XYLT1: variants seen among roughly 807,000 people sequenced by gnomAD.
XYLT1 encodes beta-D-xylosyltransferase 1.
XYLT1 carries 36 observed loss-of-function variants against 91.3 expected under a neutral mutation model. The ratio of observed to expected loss-of-function variants is 0.39; its 90% confidence interval spans 0.30 to 0.52. The LOEUF (loss-of-function observed/expected upper bound fraction) is 0.52. Ranked by LOEUF, XYLT1 falls within the 20% of genes least tolerant of loss-of-function variation. The pLI is 0.68. For synonymous variants in XYLT1, 588 were observed against 532.0 expected (o/e 1.11, Z -1.45); for missense variants, 1,242 against 1,284.5 (o/e 0.97, Z 0.51).
At chr16:17,357,957 T>G in intron 2 of XYLT1, 55 bp downstream of exon 2, 2 of 1,591,544 alleles carry the variant, frequency 1.3e-6, no homozygotes, top group Non-Finnish European at 1.7e-6. Context: ...CAAGTCCCCT[T>G]GAGAGCTGGA....
At chr16:17,237,077 G>A (rs905777318) in intron 3 of XYLT1, among the ~76,000 whole-genome samples, 13 of 152,162 alleles carry the variant, frequency 8.5e-5, no homozygotes, top group Non-Finnish European at 1.8e-4. Flanking sequence ...AGAAAGTAAC[G>A]TAAAGAACAA....
chr16:17,396,204 T>A (rs893487270), intron 1 of XYLT1, among the ~76,000 whole-genome samples: 11 of 152,188 alleles, frequency 7.2e-5, no homozygotes, highest in Non-Finnish European at 1.5e-4. Context: ...TGCCTGTCAC[T>A]CATGCAGTGA....
chr16:17,396,249 T>C (rs1422417299), intron 1 of XYLT1, among the ~76,000 whole-genome samples: 2 of 152,216 alleles, frequency 1.3e-5, no homozygotes, highest in African/African-American at 4.8e-5. Flanking sequence ...GTCCCTGTGC[T>C]GGGCATCAAG....
At chr16:17,446,917 C>T (rs2036598343) in intron 1 of XYLT1, among the ~76,000 whole-genome samples, 1 of 151,180 alleles carries the variant, frequency 6.6e-6, no homozygotes, top group African/African-American at 2.5e-5. Flanking sequence ...TGAACCAGAC[C>T]CAGGGGAGCC....
chr16:17,149,394 AC>A (rs2031227391), intron 6 of XYLT1, among the ~76,000 whole-genome samples: 1 of 152,140 alleles, frequency 6.6e-6, no homozygotes, highest in African/African-American at 2.4e-5. Flanking sequence ...TAAAAAAAAA[AC>A]AACCTGAGAA....
chr16:17,326,322 C>T (rs2034800935), intron 2 of XYLT1, among the ~76,000 whole-genome samples: 1 of 152,170 alleles, frequency 6.6e-6, no homozygotes, highest in Non-Finnish European at 1.5e-5. Flanking sequence ...TTTTCCTCTC[C>T]CCCATCCCGT....
chr16:17,145,398 C>A (rs1225330567), intron 6 of XYLT1, among the ~76,000 whole-genome samples: 3 of 152,154 alleles, frequency 2.0e-5, no homozygotes, highest in Admixed American at 2.0e-4. Context: ...CAGGGATGGG[C>A]CAGCAATGCA....
At chr16:17,432,975 G>A (rs1325434885) in intron 1 of XYLT1, among the ~76,000 whole-genome samples, 3 of 152,160 alleles carry the variant, frequency 2.0e-5, no homozygotes, top group Admixed American at 2.0e-4. Flanking sequence ...GACGGGCAGT[G>A]CCCTCGAAGA....
intron 1 of XYLT1, among the ~76,000 whole-genome samples, chr16:17,400,656 GAAGGAAGGAAGGAAGGAAGGAACT>G (rs1433171530): frequency 2.0e-4 from 30 of 150,390 alleles, no homozygotes; most frequent in African/African-American, 6.9e-4. Flanking sequence ...AGGAAGGAAG[GAAGGAAGGAAGGAAGGAAGGAACT>G]AACTAACTTG....
intron 9 of XYLT1, among the ~76,000 whole-genome samples, chr16:17,129,544 G>A (rs1567285276): frequency 6.6e-6 from 1 of 152,166 alleles, no homozygotes; most frequent in Non-Finnish European, 1.5e-5. Flanking sequence ...GGGATTACAG[G>A]TGTCAGCCAC....
chr16:17,126,944 C>A (rs1186135933), intron 10 of XYLT1, among the ~76,000 whole-genome samples: 1 of 152,078 alleles, frequency 6.6e-6, no homozygotes, highest in Non-Finnish European at 1.5e-5. Context: ...AATGAGTGAC[C>A]AGATAAAGCA....
intron 1 of XYLT1, among the ~76,000 whole-genome samples, chr16:17,426,189 A>G (rs563585176): frequency 2.0e-5 from 3 of 152,348 alleles, no homozygotes; most frequent in African/African-American, 7.2e-5. Context: ...TGTTCTAGAT[A>G]CGGGGAGAAA....
At chr16:17,192,996 T>A (rs7191414) in intron 5 of XYLT1, 53,810 of 151,514 alleles carry the variant, frequency 0.36, 10,300 homozygotes, top group South Asian at 0.5. Context: ...TATTTTTAGT[T>A]GAGTCGGGGT....
chr16:17,130,741 TCTTA>T (rs1398079002), intron 9 of XYLT1, among the ~76,000 whole-genome samples: 1 of 152,188 alleles, frequency 6.6e-6, no homozygotes, highest in Non-Finnish European at 1.5e-5. Context: ...TGTCACCCTC[TCTTA>T]CTTTTGCCCA....
At chr16:17,467,146 G>A (rs933866840) in intron 1 of XYLT1, among the ~76,000 whole-genome samples, 1 of 152,184 alleles carries the variant, frequency 6.6e-6, no homozygotes, top group African/African-American at 2.4e-5. Context: ...TACTTTGTGT[G>A]CTTATGTAGG....
intron 2 of XYLT1, among the ~76,000 whole-genome samples, chr16:17,287,709 A>G (rs1315981519): frequency 1.3e-5 from 2 of 152,178 alleles, no homozygotes; most frequent in Non-Finnish European, 2.9e-5. Flanking sequence ...AAGAAAGCAA[A>G]TCTCTGCTGA....
At chr16:17,390,017 A>G (rs2035796486) in intron 1 of XYLT1, among the ~76,000 whole-genome samples, 1 of 152,134 alleles carries the variant, frequency 6.6e-6, no homozygotes, top group Admixed American at 6.5e-5. Context: ...TTTGCACACA[A>G]TTAAATAATC....
At chr16:17,161,271 G>C (rs180707998) in intron 5 of XYLT1, among the ~76,000 whole-genome samples, 1 of 152,270 alleles carries the variant, frequency 6.6e-6, no homozygotes, top group East Asian at 1.9e-4. Flanking sequence ...ACATGAAATC[G>C]TCTCAAAAGA....
chr16:17,142,526 T>C (rs1355896307), intron 6 of XYLT1, among the ~76,000 whole-genome samples: 2 of 150,130 alleles, frequency 1.3e-5, no homozygotes, highest in Non-Finnish European at 3.0e-5. Flanking sequence ...CTCCGCTTCC[T>C]GGGTTCAAGT....
Sources: gnomAD v4.1 joint callset for allele counts (sites outside exome capture counted in the v4.1 genomes callset) on GRCh38, gnomAD v4.1.1 for gene constraint, MANE v1.5 for transcripts, NCBI Gene and HGNC (gene_info 2026-07-23, HGNC 2026-07-21) for gene names.